The following GLCCI1 variants were observed in gnomAD, a reference collection of about 807,000 sequenced individuals.
GLCCI1 encodes the protein glucocorticoid induced 1.
A neutral mutation model predicts 52.2 loss-of-function variants in GLCCI1; 24 were observed. The observed-to-expected ratio is 0.46, with a 90% CI of 0.33 to 0.65. The LOEUF (loss-of-function observed/expected upper bound fraction) is 0.65. Among genes scored for constraint, GLCCI1 ranks in the 30% least tolerant of loss-of-function variants. The pLI is 0.02. For missense variants in GLCCI1, 704 were observed against 701.5 expected (o/e 1.00, Z -0.04); for synonymous variants, 310 against 276.5 (o/e 1.12, Z -1.20).
intron 2 of GLCCI1, among the ~76,000 whole-genome samples, chr7:8,016,188 G>A (rs1012788894): frequency 2.0e-5 from 3 of 152,184 alleles, no homozygotes; most frequent in African/African-American, 4.8e-5. Context: ...AGTTAAGATC[G>A]CCCGGGCGCG....
At chr7:7,978,038 G>A (rs1227465903) in intron 1 of GLCCI1, among the ~76,000 whole-genome samples, 1 of 152,182 alleles carries the variant, frequency 6.6e-6, no homozygotes, top group African/African-American at 2.4e-5. Context: ...GGGAAGAAGA[G>A]AAAGCTAAAT....
chr7:8,048,937 A>G (rs1009608746), intron 3 of GLCCI1, among the ~76,000 whole-genome samples: 5 of 152,210 alleles, frequency 3.3e-5, no homozygotes, highest in South Asian at 2.1e-4. Context: ...CCTTTGTCCC[A>G]GAGGGAACGT....
chr7:7,980,128 C>G (rs1323418539), intron 1 of GLCCI1, among the ~76,000 whole-genome samples: 1 of 152,132 alleles, frequency 6.6e-6, no homozygotes, highest in South Asian at 2.1e-4. Context: ...CTCCTGGCCT[C>G]AAGTGATCCA....
At chr7:8,058,072 A>G (rs1782436850) in intron 4 of GLCCI1, among the ~76,000 whole-genome samples, 1 of 152,144 alleles carries the variant, frequency 6.6e-6, no homozygotes, top group African/African-American at 2.4e-5. Context: ...TATGTTTATG[A>G]TTGGAATTTT....
At position 8,055,509 on chromosome 7, in the gene GLCCI1, C is replaced by A; in HGVS notation, c.773C>A (p.Ser258Ter). Residue 258 changes from serine (S) to a stop codon, truncating the protein, a stop_gained, in exon 4 of 8, where the codon TCA (serine) becomes TAA (stop). Transcript: ENST00000223145. LOFTEE classifies it high-confidence loss of function. ...SRHSKEKDRQ[S>*]PLHGNHITIS... ...CACAGTAAGGAGAAAGATCGCCAGT[C>A]ACCTCTTCATGGCAACCATATAACA... 1 of 1,613,394 alleles carries A rather than the reference C, an allele frequency of 6.2e-7. No homozygotes were observed. The highest frequency in any genetic ancestry group is 8.5e-7 in the Non-Finnish European group (1 of 1,179,416).
intron 3 of GLCCI1, among the ~76,000 whole-genome samples, chr7:8,026,513 A>G (rs1309743835): frequency 6.6e-6 from 1 of 152,252 alleles, no homozygotes; most frequent in Non-Finnish European, 1.5e-5. Flanking sequence ...CATAGCACCA[A>G]AAGAGGCATT....
At chr7:8,066,197 T>C (rs1220688446) in intron 5 of GLCCI1, among the ~76,000 whole-genome samples, 1 of 152,220 alleles carries the variant, frequency 6.6e-6, no homozygotes, top group Admixed American at 6.5e-5. Flanking sequence ...GAGGTGTTCA[T>C]AGTAGTCTCT....
At chr7:8,029,208 A>G (rs955983813) in intron 3 of GLCCI1, among the ~76,000 whole-genome samples, 2 of 152,206 alleles carry the variant, frequency 1.3e-5, no homozygotes, top group South Asian at 2.1e-4. Context: ...CCTCAACAAA[A>G]TAACTAGCAA....
At chr7:8,074,225 A>G (rs769786982) in intron 6 of GLCCI1, among the ~76,000 whole-genome samples, 2 of 151,388 alleles carry the variant, frequency 1.3e-5, no homozygotes, top group Admixed American at 6.6e-5. Context: ...AATGTAAACA[A>G]ATAATACACT....
At chr7:7,973,388 AG>A (rs1300119449) in intron 1 of GLCCI1, among the ~76,000 whole-genome samples, 1 of 150,514 alleles carries the variant, frequency 6.6e-6, no homozygotes, top group African/African-American at 2.5e-5. Context: ...CAAGATAGTA[AG>A]TAGGAAATGC....
At chr7:8,006,787 A>G (rs960295247) in intron 2 of GLCCI1, among the ~76,000 whole-genome samples, 16 of 152,210 alleles carry the variant, frequency 1.1e-4, no homozygotes, top group Admixed American at 5.2e-4. Context: ...CAGGCCCACC[A>G]GGCCCATTAG....
In GLCCI1 at chr7:8,060,144, C is replaced by G. The variant is rs1292946898; in HGVS notation, c.862C>G (p.Pro288Ala). 1.2e-6 allele frequency: 2 copies of G among 1,613,276 alleles called. No individual in the cohort carries two copies. The highest frequency in any genetic ancestry group is 1.7e-6 in the Non-Finnish European group (2 of 1,179,536). The change falls in exon 5 of 8, where the codon CCA becomes GCA. Residue 288 changes from proline (P) to alanine (A), a missense_variant. By Grantham distance (27) the Pro-to-Ala change is conservative. This residue lies in a region of GLCCI1 where 547 missense variants were observed against 524.8 expected (regional missense o/e 1.04). Transcript: ENST00000223145. ...TATGCCACTGTCAAATATATCAGTG[C>G]CAAAATCATCTGTTTCGCGTGTGCC... ...VPMPLSNISVPKSSVSRVPCN... is the reference protein window; with the variant it reads ...VPMPLSNISVAKSSVSRVPCN...
At chr7:8,079,485 G>C (rs1782948762) in intron 6 of GLCCI1, among the ~76,000 whole-genome samples, 1 of 151,318 alleles carries the variant, frequency 6.6e-6, no homozygotes, top group African/African-American at 2.5e-5. Flanking sequence ...ATTGCTTTGA[G>C]GACACTTTTC....
At chr7:8,075,192 G>A (rs1050342035) in intron 6 of GLCCI1, among the ~76,000 whole-genome samples, 3 of 151,990 alleles carry the variant, frequency 2.0e-5, no homozygotes, top group African/African-American at 7.2e-5. Context: ...GGATTGTAAT[G>A]CCAGGACAAA....
intron 1 of GLCCI1, among the ~76,000 whole-genome samples, chr7:7,998,899 A>G (rs958864602): frequency 1.3e-5 from 2 of 151,924 alleles, no homozygotes; most frequent in African/African-American, 2.4e-5. Context: ...GCCCCCCAAA[A>G]TTTATTTTTT....
At chr7:8,067,766 C>G (rs1248508898) in intron 5 of GLCCI1, among the ~76,000 whole-genome samples, 6 of 152,212 alleles carry the variant, frequency 3.9e-5, no homozygotes, top group Non-Finnish European at 7.3e-5. Flanking sequence ...CCTATTCTCT[C>G]CAGCTGCCTT....
rs1170779762 is a variant in GLCCI1, at chr7:8,070,984, C to T, written c.1030C>T (p.Arg344Cys). 2 of 1,614,078 alleles carry T rather than the reference C, an allele frequency of 1.2e-6. No homozygotes were observed. The highest frequency in any genetic ancestry group is 2.2e-5 in the East Asian group (1 of 44,898). Residue 344 changes from arginine (R) to cysteine (C), a missense_variant, in exon 6 of 8, where the codon CGC (arginine) becomes TGC (cysteine). By Grantham distance (180) the Arg-to-Cys change is radical. This residue lies in a region of GLCCI1 where 547 missense variants were observed against 524.8 expected (regional missense o/e 1.04). Coordinates refer to ENST00000223145, the MANE Select transcript of GLCCI1 (RefSeq NM_138426.4). ...TGCTCATTACCGGAGCAGTAGTACTCGCAGCATTGACACTCAGACTCCTTC... is the reference window on the plus strand; with the variant it reads ...TGCTCATTACCGGAGCAGTAGTACTTGCAGCATTGACACTCAGACTCCTTC... ...LPAHYRSSST[R>C]SIDTQTPSVQ...
intron 3 of GLCCI1, among the ~76,000 whole-genome samples, chr7:8,038,768 GTTAA>G (rs1439159831): frequency 6.6e-6 from 1 of 152,064 alleles, no homozygotes; most frequent in African/African-American, 2.4e-5. Flanking sequence ...GCACATGGGA[GTTAA>G]TTAAACTAAA....
At chr7:8,037,040 G>C (rs1035304766) in intron 3 of GLCCI1, among the ~76,000 whole-genome samples, 4 of 152,144 alleles carry the variant, frequency 2.6e-5, no homozygotes, top group Non-Finnish European at 4.4e-5. Flanking sequence ...TGAAATAGAA[G>C]AGGCTCAAGG....
Sources: allele counts gnomAD v4.1 joint callset (sites outside exome capture counted in the v4.1 genomes callset), GRCh38; gene constraint gnomAD v4.1.1; regional missense constraint gnomAD v4.1.1; transcripts MANE v1.5; gene names NCBI Gene and HGNC (gene_info 2026-07-23, HGNC 2026-07-21).